The following OSBPL9 variants were observed in gnomAD, a reference collection of about 807,000 sequenced individuals.
OSBPL9 encodes the protein oxysterol binding protein like 9.
Under a neutral mutation model 106.6 loss-of-function variants are expected in OSBPL9, and 40 were observed. The ratio of observed to expected loss-of-function variants is 0.38; its 90% CI spans 0.29 to 0.49. The LOEUF is 0.49. Among genes scored for constraint, OSBPL9 ranks in the 20% least tolerant of loss-of-function variants. The probability of loss-of-function intolerance (pLI) is 0.97; values close to 1 mark genes in which losing one functional copy is unlikely to be tolerated. For missense variants in OSBPL9, 609 were observed against 887.2 expected (o/e 0.69, Z 3.98); for synonymous variants, 269 against 295.4 (o/e 0.91, Z 0.92).
chr1:51,590,140 G>A (rs1645267350), intron 1 of OSBPL9, among the ~76,000 whole-genome samples: 1 of 151,980 alleles, frequency 6.6e-6, no homozygotes, highest in Non-Finnish European at 1.5e-5. Flanking sequence ...AATAGGCAGT[G>A]GAGGTTTTTA....
chr1:51,730,176 T>G, intron 4 of OSBPL9: 44 of 1,214,850 alleles, frequency 3.6e-5, no homozygotes, highest in Admixed American at 1.7e-4. Context: ...GAGTTCTCAG[T>G]TCCTCAGCCT....
upstream of OSBPL9, among the ~76,000 whole-genome samples, chr1:51,573,545 G>T (rs758236895): frequency 6.7e-6 from 1 of 149,554 alleles, no homozygotes; most frequent in Non-Finnish European, 1.5e-5. Flanking sequence ...GCCAGGCACG[G>T]TGGTTCACAC....
chr1:51,640,582 A>G (rs927629132), intron 1 of OSBPL9, among the ~76,000 whole-genome samples: 1 of 152,150 alleles, frequency 6.6e-6, no homozygotes, highest in Non-Finnish European at 1.5e-5. Flanking sequence ...ACCGGGGAAA[A>G]GGTTTCCCCT....
rs780008064 is a variant in OSBPL9, at chr1:51,783,982, A to G, written c.1581A>G (p.Ser527=). ...TCAATGCTCATATCTGGACCAAATC[A>G]AAATTCCTTGGGATGTCAATTGGGG... is the stretch of plus-strand genomic sequence containing the variant. ...IQFNAHIWTK[S]KFLGMSIGVH... is the part of the protein sequence containing the mutation. The change falls in exon 18 of 24, where the codon TCA becomes TCG. Residue 527 remains serine, a synonymous_variant. Coordinates refer to ENST00000428468, the MANE Select transcript of OSBPL9 (RefSeq NM_024586.6). The G allele has an allele frequency of 6.2e-7, 1 of 1,614,074 alleles. No individual in the cohort carries two copies. Among genetic ancestry groups the G allele is most frequent in the South Asian group, 1.1e-5 (1 of 91,084 alleles).
intron 23 of OSBPL9, 32 bp from the exon 24 acceptor site, chr1:51,787,683 A>T (rs372940814): frequency 5.7e-5 from 92 of 1,603,476 alleles, no homozygotes; most frequent in Non-Finnish European, 7.5e-5. Context: ...CAAAGCAAAT[A>T]TGTAACTAAA....
At chr1:51,563,156 G>A in the OSBPL9 span, among the ~76,000 whole-genome samples, 24 of 152,184 alleles carry the variant, frequency 1.6e-4, no homozygotes, top group Non-Finnish European at 2.2e-4. Flanking sequence ...GTTGCAGTAA[G>A]CCGAGATCAC....
the OSBPL9 span, among the ~76,000 whole-genome samples, chr1:51,568,932 C>T: frequency 6.1e-3 from 923 of 152,236 alleles, 6 homozygotes; most frequent in Non-Finnish European, 0.011. Context: ...AGGATGCTCT[C>T]GAACTCCTGA....
the OSBPL9 span, among the ~76,000 whole-genome samples, chr1:51,554,784 G>A: frequency 6.6e-6 from 1 of 152,190 alleles, no homozygotes; most frequent in African/African-American, 2.4e-5. Flanking sequence ...TTGTAAGAAG[G>A]AAATTGTCAA....
chr1:51,749,257 A>C (rs1031586528), intron 7 of OSBPL9, among the ~76,000 whole-genome samples: 1 of 152,156 alleles, frequency 6.6e-6, no homozygotes, highest in African/African-American at 2.4e-5. Context: ...TAAAATAATA[A>C]TTTGATTCAC....
chr1:51,655,549 C>T (rs567732465), intron 2 of OSBPL9, among the ~76,000 whole-genome samples: 1 of 152,274 alleles, frequency 6.6e-6, no homozygotes, highest in South Asian at 2.1e-4. Context: ...AATAATCTCC[C>T]TTTTGCCATG....
chr1:51,597,494 TATATATATAC>T, intron 1 of OSBPL9, among the ~76,000 whole-genome samples: 1 of 151,322 alleles, frequency 6.6e-6, no homozygotes, highest in Admixed American at 6.6e-5. Context: ...AGATTGTATA[TATATATATAC>T]ACACACACAT....
chr1:51,738,583 A>C (rs932775951), intron 4 of OSBPL9, among the ~76,000 whole-genome samples: 1 of 151,572 alleles, frequency 6.6e-6, no homozygotes, highest in African/African-American at 2.4e-5. Flanking sequence ...ATATTGGAAT[A>C]TTTTTCCTGC....
intron 4 of OSBPL9, among the ~76,000 whole-genome samples, chr1:51,737,153 T>C (rs1197837073): frequency 6.6e-6 from 1 of 152,130 alleles, no homozygotes; most frequent in African/African-American, 2.4e-5. Flanking sequence ...GTGCGTGCTT[T>C]ACCTTTAAAT....
At chr1:51,660,238 T>TA (rs1647056195) in intron 2 of OSBPL9, among the ~76,000 whole-genome samples, 1 of 152,182 alleles carries the variant, frequency 6.6e-6, no homozygotes, top group African/African-American at 2.4e-5. Flanking sequence ...GCATAGGTGA[T>TA]ATCTTTATGA....
At position 51,765,913 on chromosome 1, in the gene OSBPL9, C is replaced by T; in HGVS notation, c.870C>T (p.Ser290=). The T allele has an allele frequency of 6.2e-7, 1 of 1,614,036 alleles. No homozygotes were observed. The highest frequency in any genetic ancestry group is 1.7e-5 in the Admixed American group (1 of 60,018). ...CAGTCCCAGAGTTCTCTTACTCCAG[C>T]AGTGAAGATGAATTTTATGATGCTG... The part of the protein sequence containing the change: ...PNTVPEFSYS[S]SEDEFYDADE... Residue 290 remains serine (S), a synonymous_variant, in exon 12 of 24, where the codon AGC becomes AGT. Transcript: ENST00000428468.
intron 1 of OSBPL9, among the ~76,000 whole-genome samples, chr1:51,628,726 C>G (rs932608570): frequency 2.1e-5 from 3 of 144,556 alleles, no homozygotes; most frequent in African/African-American, 7.7e-5. Flanking sequence ...CTCTGTTGCC[C>G]AGGCTGGAGT....
chr1:51,723,427 C>G (rs78214030), intron 4 of OSBPL9, among the ~76,000 whole-genome samples: 1,812 of 152,266 alleles, frequency 0.012, 38 homozygotes, highest in African/African-American at 0.042. Context: ...GGGCTTCTTT[C>G]CGTTAGTAAT....
In OSBPL9 at chr1:51,784,578, A is replaced by G. The variant is rs1211414117; in HGVS notation, c.1825A>G (p.Ile609Val). The change falls in exon 20 of 24, where the codon ATT (isoleucine) becomes GTT (valine). Residue 609 changes from isoleucine to valine, a missense_variant. By Grantham distance (29) the Ile-to-Val change is conservative. Coordinates refer to ENST00000428468, the MANE Select transcript of OSBPL9 (RefSeq NM_024586.6). ...CAAGAAGCACAGAATTACTGCCGAG[A>G]TTTTGTAGGTATTTTTTCTGCCTTA... ...GGKKHRITAE[I>V]FSPNDKKSFC... 1 of 1,613,910 alleles carries G rather than the reference A, an allele frequency of 6.2e-7. No individual in the cohort carries two copies. The highest frequency in any genetic ancestry group is 1.1e-5 in the South Asian group (1 of 91,030).
At chr1:51,617,595 T>C (rs1385388073) in intron 1 of OSBPL9, among the ~76,000 whole-genome samples, 2 of 152,144 alleles carry the variant, frequency 1.3e-5, no homozygotes, top group African/African-American at 4.8e-5. Flanking sequence ...TCATGGACTT[T>C]ACACTGTCCC....
Sources: gnomAD v4.1 joint callset for allele counts (sites outside exome capture counted in the v4.1 genomes callset) on GRCh38, gnomAD v4.1.1 for gene constraint, MANE v1.5 for transcripts, NCBI Gene and HGNC (gene_info 2026-07-23, HGNC 2026-07-21) for gene names.